The following KLF12 variants were observed in gnomAD, a reference collection of about 807,000 sequenced individuals.
KLF12 encodes Krueppel-like factor 12.
Under a neutral mutation model 37.8 loss-of-function variants are expected in KLF12, and 9 were observed. That is an observed-to-expected ratio of 0.24 (90% CI 0.14 to 0.42). The LOEUF (loss-of-function observed/expected upper bound fraction) is 0.42. KLF12 is among the 10% of genes least tolerant of loss of function. KLF12 has a pLI of 1.00. For missense variants in KLF12, 411 were observed against 516.0 expected (o/e 0.80, Z 1.97); for synonymous variants, 208 against 202.1 (o/e 1.03, Z -0.25).
chr13:73,946,850 G>GT (rs1566476560), intron 2 of KLF12, among the ~76,000 whole-genome samples: 1 of 152,164 alleles, frequency 6.6e-6, no homozygotes, highest in Non-Finnish European at 1.5e-5. Context: ...AAAGCGTTCA[G>GT]TATCACAGCA....
At chr13:74,149,260 C>T in the KLF12 span, among the ~76,000 whole-genome samples, 1 of 152,270 alleles carries the variant, frequency 6.6e-6, no homozygotes, top group South Asian at 2.1e-4. Flanking sequence ...ATTCTACTGC[C>T]TATTCTATAG....
chr13:74,079,270 T>C (rs9565074), intron 1 of KLF12, among the ~76,000 whole-genome samples: 92,371 of 151,906 alleles, frequency 0.61, 28,420 homozygotes, highest in East Asian at 0.87. Context: ...AGATTCCATT[T>C]TGCAAGATGA....
intron 3 of KLF12, among the ~76,000 whole-genome samples, chr13:73,871,558 A>G (rs564075273): frequency 1.5e-4 from 23 of 152,224 alleles, no homozygotes; most frequent in Non-Finnish European, 3.4e-4. Context: ...AACGGAGTCC[A>G]GTCCCACTCC....
At chr13:73,816,180 T>A (rs1464402962) in intron 4 of KLF12, among the ~76,000 whole-genome samples, 2 of 152,196 alleles carry the variant, frequency 1.3e-5, no homozygotes, top group Non-Finnish European at 2.9e-5. Flanking sequence ...ACTCTATTTT[T>A]ATTAAATGTA....
intron 7 of KLF12, among the ~76,000 whole-genome samples, chr13:73,710,027 G>A (rs1362205678): frequency 1.3e-5 from 2 of 152,138 alleles, no homozygotes; most frequent in African/African-American, 4.8e-5. Flanking sequence ...TCAAGAAAAT[G>A]AATATAGAAT....
chr13:73,798,850 T>A (rs1296921190), intron 5 of KLF12, among the ~76,000 whole-genome samples: 1 of 152,198 alleles, frequency 6.6e-6, no homozygotes, highest in Non-Finnish European at 1.5e-5. Context: ...GAAAGCAGTG[T>A]GGCCATTCCT....
upstream of KLF12, among the ~76,000 whole-genome samples, chr13:74,134,317 C>A (rs1396160690): frequency 6.6e-6 from 1 of 151,914 alleles, no homozygotes; most frequent in Non-Finnish European, 1.5e-5. Context: ...GGGAGGGGCT[C>A]GCTCAGCAGG....
intron 5 of KLF12, among the ~76,000 whole-genome samples, chr13:73,782,540 A>G (rs1184208294): frequency 6.6e-6 from 1 of 152,224 alleles, no homozygotes; most frequent in African/African-American, 2.4e-5. Flanking sequence ...TTAAATGCTT[A>G]ATTTTAAAAT....
chr13:74,158,136 G>A, the KLF12 span, among the ~76,000 whole-genome samples: 1 of 152,208 alleles, frequency 6.6e-6, no homozygotes, highest in African/African-American at 2.4e-5. Flanking sequence ...GAGAGCAAGG[G>A]AGGCATGTTC....
At chr13:74,186,827 C>A in the KLF12 span, among the ~76,000 whole-genome samples, 5 of 152,176 alleles carry the variant, frequency 3.3e-5, no homozygotes, top group African/African-American at 1.2e-4. Flanking sequence ...TCCCCTTTTA[C>A]AGATGAGGAA....
the KLF12 span, among the ~76,000 whole-genome samples, chr13:74,189,487 A>G: frequency 6.6e-6 from 1 of 152,188 alleles, no homozygotes; most frequent in Non-Finnish European, 1.5e-5. Context: ...CCCATTCAAC[A>G]GCCCCCATGA....
chr13:73,920,457 T>C (rs577129240), intron 3 of KLF12, among the ~76,000 whole-genome samples: 2 of 152,212 alleles, frequency 1.3e-5, no homozygotes, highest in African/African-American at 4.8e-5. Context: ...GTCAAGTCTT[T>C]CTCCAAAATT....
intron 6 of KLF12, among the ~76,000 whole-genome samples, chr13:73,759,752 T>C (rs1042659169): frequency 3.9e-5 from 6 of 152,268 alleles, no homozygotes; most frequent in African/African-American, 1.4e-4. Flanking sequence ...GTAAGGAGGT[T>C]GAACTGCGCT....
At chr13:74,266,390 C>T in the KLF12 span, among the ~76,000 whole-genome samples, 70,129 of 152,000 alleles carry the variant, frequency 0.46, 17,885 homozygotes, top group East Asian at 0.75. Flanking sequence ...GTCACAAGCT[C>T]ATTCACCAAA....
chr13:73,987,982 TTGTCATTTCAAATACTGTCTAAATAAAGA>T (rs1367400748), intron 2 of KLF12, among the ~76,000 whole-genome samples: 8 of 152,150 alleles, frequency 5.3e-5, no homozygotes, highest in Non-Finnish European at 1.0e-4. Context: ...TGACTTGTGT[TTGTCATTTCAAATACTGTCTAAATAAAGA>T]TGTCATTTCC....
At chr13:74,108,222 A>AATT (rs772208310) in intron 1 of KLF12, among the ~76,000 whole-genome samples, 77 of 152,244 alleles carry the variant, frequency 5.1e-4, no homozygotes, top group Admixed American at 8.5e-4. Context: ...TAATAATAAT[A>AATT]ATTTGTCTAA....
chr13:74,012,570 T>C (rs1464757690), intron 1 of KLF12, among the ~76,000 whole-genome samples: 1 of 152,230 alleles, frequency 6.6e-6, no homozygotes, highest in East Asian at 1.9e-4. Flanking sequence ...CAGTATCATC[T>C]GGAAACTCAG....
At chr13:74,243,774 T>G in the KLF12 span, among the ~76,000 whole-genome samples, 1 of 152,170 alleles carries the variant, frequency 6.6e-6, no homozygotes, top group Admixed American at 6.5e-5. Context: ...GTATCATTTG[T>G]CCTGGGTTTT....
chr13:74,274,156 A>G, the KLF12 span, among the ~76,000 whole-genome samples: 33 of 152,160 alleles, frequency 2.2e-4, no homozygotes, highest in African/African-American at 8.0e-4. Flanking sequence ...ATCTTCTGGT[A>G]AGGAAATACT....
Sources: gnomAD v4.1 joint callset for allele counts (sites outside exome capture counted in the v4.1 genomes callset) on GRCh38, gnomAD v4.1.1 for gene constraint, MANE v1.5 for transcripts, NCBI Gene and HGNC (gene_info 2026-07-23, HGNC 2026-07-21) for gene names.